DPP10: variants seen among roughly 807,000 people sequenced by gnomAD.
DPP10 encodes dipeptidyl peptidase like 10, also known as inactive dipeptidyl peptidase 10.
Under a neutral mutation model 120.9 loss-of-function variants are expected in DPP10, and 33 were observed. That is an observed-to-expected ratio of 0.27 (90% CI 0.21 to 0.37). The LOEUF is 0.37. Ranked by LOEUF, DPP10 falls within the 10% of genes least tolerant of loss-of-function variation. DPP10 has a pLI of 1.00. For synonymous variants in DPP10, 337 were observed against 326.1 expected (o/e 1.03, Z -0.36); for missense variants, 816 against 942.8 (o/e 0.87, Z 1.76).
At chr2:114,942,133 C>T (rs1219191174) in intron 1 of DPP10, among the ~76,000 whole-genome samples, 1 of 150,486 alleles carries the variant, frequency 6.6e-6, no homozygotes, top group African/African-American at 2.4e-5. Context: ...ATTAGCCAGG[C>T]GCGGTGGTGG....
At chr2:115,552,359 C>T (rs1369907366) in intron 5 of DPP10, among the ~76,000 whole-genome samples, 1 of 152,106 alleles carries the variant, frequency 6.6e-6, no homozygotes, top group Non-Finnish European at 1.5e-5. Flanking sequence ...ACACAAGCGT[C>T]TATGCTCCCA....
chr2:115,344,421 C>G (rs768832796), intron 3 of DPP10, among the ~76,000 whole-genome samples: 3 of 151,912 alleles, frequency 2.0e-5, no homozygotes, highest in African/African-American at 7.2e-5. Context: ...GGAGCTAGTA[C>G]GTAGAAATGT....
rs77908303 is a variant in DPP10 at position 114,475,718 on chromosome 2, C to T, written c.60+32880C>T. ...AAGAATCACAGTTTTATACATCGTCCGTCTGAAAATGCAAGGTATCACCTA... is the reference window on the plus strand; with the variant it reads ...AAGAATCACAGTTTTATACATCGTCTGTCTGAAAATGCAAGGTATCACCTA... On this transcript the variant is annotated intron_variant, in intron 1 of 25. Transcript: ENST00000410059. Among the ~76,000 whole-genome samples, 779 of 152,244 alleles carry T rather than the reference C, an allele frequency of 5.1e-3. 37 individuals are homozygous for T. The East Asian group carries it at 0.11, about 21-fold the overall frequency.
intron 1 of DPP10, among the ~76,000 whole-genome samples, chr2:115,014,119 A>G (rs1702463646): frequency 6.6e-6 from 1 of 152,224 alleles, no homozygotes; most frequent in Non-Finnish European, 1.5e-5. Context: ...GCAAATGCAG[A>G]AGAATGGAAA....
At chr2:114,845,320 A>G (rs762730928) in intron 1 of DPP10, among the ~76,000 whole-genome samples, 4 of 152,162 alleles carry the variant, frequency 2.6e-5, no homozygotes, top group Admixed American at 1.3e-4. Context: ...TTACTTCATA[A>G]TATGCATATG....
intron 3 of DPP10, among the ~76,000 whole-genome samples, chr2:115,452,875 T>G (rs1411278360): frequency 6.6e-6 from 1 of 151,922 alleles, no homozygotes; most frequent in Non-Finnish European, 1.5e-5. Context: ...ATCATTATAG[T>G]GATGAGCATA....
At chr2:114,938,849 A>C (rs988120797) in intron 1 of DPP10, among the ~76,000 whole-genome samples, 2 of 149,696 alleles carry the variant, frequency 1.3e-5, no homozygotes, top group Non-Finnish European at 3.0e-5. Context: ...TCATCCTCCC[A>C]CTTTTAAATC....
At position 115,140,926 on chromosome 2, in the gene DPP10, GA is replaced by G. The variant is rs372992316; in HGVS notation, c.61-168298del. On this transcript the variant is annotated intron_variant, in intron 1 of 25. Coordinates refer to ENST00000410059, the MANE Select transcript of DPP10 (RefSeq NM_020868.6). ...TCAAAAGATGTGACATGCTTATCTTGAAAAAAAAAAAAAAACTAAAGAATGA... is the reference window on the plus strand; with the variant it reads ...TCAAAAGATGTGACATGCTTATCTTGAAAAAAAAAAAAAACTAAAGAATGA... 1.7e-3 allele frequency among the ~76,000 whole-genome samples: 230 copies of G among 137,668 alleles called. 1 individual carries two copies. The highest frequency in any genetic ancestry group is 3.6e-3 in the Middle Eastern group (1 of 274). The allele number at this position is 137,668 out of a possible 152,430, so 90.3% of individuals were successfully genotyped here. A position where few individuals can be genotyped will look rare whatever the true frequency, so the allele number is the denominator to read the frequency against.
chr2:115,517,829 AT>A (rs2077584817), intron 4 of DPP10, among the ~76,000 whole-genome samples: 1 of 152,148 alleles, frequency 6.6e-6, no homozygotes, highest in Admixed American at 6.6e-5. Context: ...TATCTGTCTT[AT>A]CTACTAGTTC....
At chr2:114,943,308 C>G (rs1574537799) in intron 1 of DPP10, among the ~76,000 whole-genome samples, 2 of 152,016 alleles carry the variant, frequency 1.3e-5, no homozygotes, top group East Asian at 3.9e-4. Context: ...GAATCTTGCT[C>G]TGTCACCCAG....
At chr2:114,666,255 T>G (rs1018040351) in intron 1 of DPP10, among the ~76,000 whole-genome samples, 3 of 152,352 alleles carry the variant, frequency 2.0e-5, no homozygotes, top group African/African-American at 7.2e-5. Context: ...AAAATGTGTG[T>G]TCTACTTATA....
At chr2:114,560,615 C>T (rs932387429) in intron 1 of DPP10, among the ~76,000 whole-genome samples, 2 of 152,256 alleles carry the variant, frequency 1.3e-5, no homozygotes, top group South Asian at 2.1e-4. Context: ...CAGGCTTCCC[C>T]AGATGATGCG....
intron 1 of DPP10, among the ~76,000 whole-genome samples, chr2:114,883,330 T>A (rs1045608303): frequency 6.6e-6 from 1 of 152,178 alleles, no homozygotes; most frequent in African/African-American, 2.4e-5. Flanking sequence ...CAGAGAACAC[T>A]CGGGACTCAA....
chr2:115,730,658 G>A (rs1050337834), intron 8 of DPP10, among the ~76,000 whole-genome samples: 3 of 152,130 alleles, frequency 2.0e-5, no homozygotes, highest in South Asian at 4.1e-4. Context: ...ATTAGAGACC[G>A]TTTCCTGACA....
intron 1 of DPP10, among the ~76,000 whole-genome samples, chr2:114,690,230 TC>T (rs560122658): frequency 1.0e-3 from 159 of 152,246 alleles, no homozygotes; most frequent in South Asian, 3.5e-3. Context: ...TACATTTAAG[TC>T]TTTTGTATGT....
intron 5 of DPP10, among the ~76,000 whole-genome samples, chr2:115,684,747 A>C (rs2090882188): frequency 2.6e-5 from 4 of 151,868 alleles, no homozygotes. Flanking sequence ...GAATCCCCAT[A>C]GGTGTCTTAG....
At chr2:114,822,236 CA>C (rs1686153666) in intron 1 of DPP10, among the ~76,000 whole-genome samples, 1 of 152,170 alleles carries the variant, frequency 6.6e-6, no homozygotes. Context: ...TTGGTGCACC[CA>C]CAGGCTCAAC....
intron 1 of DPP10, among the ~76,000 whole-genome samples, chr2:114,943,127 C>G (rs1697086463): frequency 6.6e-6 from 1 of 152,128 alleles, no homozygotes; most frequent in Admixed American, 6.5e-5. Context: ...TCAGCTCTCA[C>G]TTACAGGTGA....
At chr2:115,358,701 T>C in intron 3 of DPP10, among the ~76,000 whole-genome samples, 1 of 152,176 alleles carries the variant, frequency 6.6e-6, no homozygotes, top group Middle Eastern at 3.2e-3. Context: ...TATGAAGAGA[T>C]ACCTGAGACT....
Sources: allele counts gnomAD v4.1 joint callset (sites outside exome capture counted in the v4.1 genomes callset), GRCh38; gene constraint gnomAD v4.1.1; transcripts MANE v1.5; gene names NCBI Gene and HGNC (gene_info 2026-07-23, HGNC 2026-07-21).